MPDZ: variants seen among roughly 807,000 people sequenced by gnomAD.
MPDZ encodes the protein multiple PDZ domain protein.
In MPDZ, 234 loss-of-function variants were observed where a neutral mutation model predicts 239.1. The observed-to-expected ratio is 0.98, with a 90% CI of 0.88 to 1.09. MPDZ has a LOEUF of 1.09. Among genes scored for constraint, MPDZ ranks in the 50% least tolerant of loss-of-function variants. The pLI is 0.00. For synonymous variants in MPDZ, 1,048 were observed against 881.3 expected (o/e 1.19, Z -3.35); for missense variants, 3,175 against 2,510.0 (o/e 1.26, Z -5.66).
At chr9:13,147,936 G>C (rs965420765) in intron 25 of MPDZ, among the ~76,000 whole-genome samples, 1 of 151,888 alleles carries the variant, frequency 6.6e-6, no homozygotes, top group Admixed American at 6.6e-5. Flanking sequence ...TTGCTCAGCT[G>C]CTCCTTTAAA....
intron 41 of MPDZ, among the ~76,000 whole-genome samples, chr9:13,113,631 G>A (rs1456160309): frequency 6.6e-6 from 1 of 152,046 alleles, no homozygotes; most frequent in Non-Finnish European, 1.5e-5. Context: ...TGATTTACTG[G>A]TGTTACATTA....
chr9:13,184,329 A>C (rs1280536361), intron 18 of MPDZ, among the ~76,000 whole-genome samples: 3 of 151,980 alleles, frequency 2.0e-5, no homozygotes, highest in African/African-American at 4.8e-5. Context: ...GTCATACCTG[A>C]GAATAGGCAG....
At chr9:13,260,475 G>T (rs1045427654) in intron 1 of MPDZ, among the ~76,000 whole-genome samples, 1 of 152,164 alleles carries the variant, frequency 6.6e-6, no homozygotes, top group Admixed American at 6.5e-5. Flanking sequence ...AGAAATGTCT[G>T]CCCTAATAGA....
chr9:13,268,270 T>C (rs1408075142), intron 1 of MPDZ, among the ~76,000 whole-genome samples: 1 of 152,024 alleles, frequency 6.6e-6, no homozygotes. Flanking sequence ...CACTTACATA[T>C]TCCTAGCCAT....
chr9:13,168,626 G>T, intron 21 of MPDZ, 62 bp from the exon 22 acceptor site: 1 of 1,187,560 alleles, frequency 8.4e-7, no homozygotes, highest in Non-Finnish European at 1.2e-6. Flanking sequence ...ATTTTAATTT[G>T]AATTTAATAA....
At chr9:13,165,619 C>T (rs2133798005) in intron 22 of MPDZ, 1 of 444,502 alleles carries the variant, frequency 2.2e-6, no homozygotes, top group Non-Finnish European at 3.9e-6. Flanking sequence ...TATTAACAAG[C>T]ATGAAAAAAT....
intron 6 of MPDZ, among the ~76,000 whole-genome samples, chr9:13,221,909 A>G (rs1351617879): frequency 6.6e-6 from 1 of 152,112 alleles, no homozygotes; most frequent in East Asian, 1.9e-4. Flanking sequence ...AGCTAACTCT[A>G]ACAATATAAT....
At chr9:13,157,260 C>T (rs1289833929) in intron 24 of MPDZ, among the ~76,000 whole-genome samples, 1 of 152,052 alleles carries the variant, frequency 6.6e-6, no homozygotes, top group African/African-American at 2.4e-5. Flanking sequence ...CCACTGATTA[C>T]CTATGTTTTA....
intron 24 of MPDZ, among the ~76,000 whole-genome samples, chr9:13,151,535 A>C (rs2133080677): frequency 6.6e-6 from 1 of 152,298 alleles, no homozygotes; most frequent in Admixed American, 6.6e-5. Flanking sequence ...TCATCTAAGT[A>C]AAATAAAGGA....
chr9:13,278,586 T>A lies in MPDZ; in HGVS notation c.-58+814A>T, dbSNP rs571577388. On this transcript the variant is annotated intron_variant, in intron 1 of 46. Transcript: ENST00000319217. ...CAAGACACAAAGCGTCTCCCAAACATCGCTTCCCTGGTAACATCCGGCATC... is the reference window on the plus strand; with the variant it reads ...CAAGACACAAAGCGTCTCCCAAACAACGCTTCCCTGGTAACATCCGGCATC... Among the ~76,000 whole-genome samples, 223 of 152,214 alleles carry A rather than the reference T, an allele frequency of 1.5e-3. 4 individuals are homozygous for A. Among genetic ancestry groups the A allele is most frequent in the Non-Finnish European group, 1.6e-3 (111 of 68,008 alleles).
At chr9:13,246,598 G>C (rs1454265730) in intron 3 of MPDZ, among the ~76,000 whole-genome samples, 3 of 152,048 alleles carry the variant, frequency 2.0e-5, no homozygotes, top group Admixed American at 6.5e-5. Flanking sequence ...GATTCTTCTT[G>C]ACTTAACTTT....
chr9:13,186,356 T>G lies in MPDZ; in HGVS notation c.2395A>C (p.Lys799Gln). The G allele has an allele frequency of 1.3e-6, 2 of 1,586,950 alleles. No homozygotes were observed. Among genetic ancestry groups the G allele is most frequent in the Non-Finnish European group, 1.7e-6 (2 of 1,165,838 alleles). ...GGTGGGTAGAGAAAGGAATCCTCCT[T>G]AGCAGAAACATAACCTTCTTCTGGT... is the stretch of plus-strand genomic sequence containing the variant. Reference protein sequence around the residue: ...LSPEEGYVSAKEDSFLYPPHS... With the variant: ...LSPEEGYVSAQEDSFLYPPHS... The change falls in exon 18 of 47, where the codon AAG becomes CAG. Residue 799 changes from lysine (K) to glutamine (Q), a missense_variant. Physicochemically the swap from Lys to Gln is moderately conservative, Grantham distance 53 (BLOSUM62 1). Transcript: ENST00000319217.
At chr9:13,121,408 C>A (rs896059238) in intron 38 of MPDZ, among the ~76,000 whole-genome samples, 1 of 152,122 alleles carries the variant, frequency 6.6e-6, no homozygotes, top group African/African-American at 2.4e-5. Context: ...ATATTTAATT[C>A]GACGTTCACC....
At chr9:13,258,763 AT>A (rs1970001779) in intron 1 of MPDZ, among the ~76,000 whole-genome samples, 1 of 152,168 alleles carries the variant, frequency 6.6e-6, no homozygotes, top group Non-Finnish European at 1.5e-5. Context: ...CATGAATACA[AT>A]TTTTATTTTC....
intron 40 of MPDZ, 93 bp downstream of exon 40, chr9:13,115,155 C>G: frequency 9.4e-7 from 1 of 1,062,768 alleles, no homozygotes; most frequent in Non-Finnish European, 1.4e-6. Context: ...TGCCAGGGGA[C>G]CAGACCTTGT....
At position 13,106,122 on chromosome 9, in the gene MPDZ, G is replaced by C. The variant is rs941186278; in HGVS notation, c.*843C>G. The C allele has an allele frequency of 5.8e-4, 88 of 152,232 alleles. No homozygotes were observed. The highest frequency in any genetic ancestry group is 2.0e-3 in the African/African-American group (83 of 41,556). 9.4% of individuals were successfully genotyped at this position (152,232 alleles called of 1,614,324 possible). A position where few individuals can be genotyped will look rare whatever the true frequency, so the allele number is the denominator to read the frequency against. ...ACACATTTTTAATGTTGCATCGGTT[G>C]TTAAAACCAGCACTAAAGATTCTGG... On this transcript the variant is annotated 3_prime_UTR_variant, in exon 47 of 47. Transcript: ENST00000319217.
intron 12 of MPDZ, among the ~76,000 whole-genome samples, chr9:13,196,775 G>C (rs1955707848): frequency 1.3e-5 from 2 of 151,822 alleles, no homozygotes; most frequent in Admixed American, 1.3e-4. Flanking sequence ...TTTACAAAAA[G>C]AGAAATTTTT....
intron 10 of MPDZ, among the ~76,000 whole-genome samples, chr9:13,207,706 T>C (rs1957155391): frequency 1.3e-5 from 2 of 152,234 alleles, no homozygotes; most frequent in Non-Finnish European, 1.5e-5. Context: ...TCTGCTATTA[T>C]GCAGTTTATG....
chr9:13,156,743 T>C (rs1287649807), intron 24 of MPDZ, among the ~76,000 whole-genome samples: 3 of 152,226 alleles, frequency 2.0e-5, no homozygotes, highest in Non-Finnish European at 4.4e-5. Flanking sequence ...TATCTTTTTT[T>C]CCTGTGATTA....
Sources: gnomAD v4.1 joint callset for allele counts (sites outside exome capture counted in the v4.1 genomes callset) on GRCh38, gnomAD v4.1.1 for gene constraint, MANE v1.5 for transcripts, NCBI Gene and HGNC (gene_info 2026-07-23, HGNC 2026-07-21) for gene names.